The following MYPN variants were observed in gnomAD, a reference collection of about 807,000 sequenced individuals.
MYPN encodes myopalladin.
Under a neutral mutation model 129.4 loss-of-function variants are expected in MYPN, and 63 were observed. The observed-to-expected ratio is 0.49, with a 90% CI of 0.40 to 0.60. The LOEUF (loss-of-function observed/expected upper bound fraction) is 0.60. MYPN is among the 20% of genes least tolerant of loss of function. The pLI, the probability that MYPN is intolerant of heterozygous loss-of-function variation, is 0.00. For missense variants in MYPN, 1,596 were observed against 1,635.4 expected (o/e 0.98, Z 0.42); for synonymous variants, 629 against 600.9 (o/e 1.05, Z -0.68).
chr10:68,167,502 T>C (rs1488929127), intron 10 of MYPN, among the ~76,000 whole-genome samples: 1 of 152,232 alleles, frequency 6.6e-6, no homozygotes, highest in East Asian at 1.9e-4. Context: ...TGTTGCAATG[T>C]TTAAAATGTC....
intron 17 of MYPN, among the ~76,000 whole-genome samples, chr10:68,200,334 T>C (rs4746739): frequency 0.58 from 88,145 of 152,074 alleles, 27,544 homozygotes; most frequent in Non-Finnish European, 0.69. Context: ...ATGATGTGAA[T>C]GAAACACTGT....
rs1589614570 is a variant in MYPN, at chr10:68,201,981, A to G, written c.3646A>G (p.Arg1216Gly). 5 of 1,614,082 alleles carry G rather than the reference A, an allele frequency of 3.1e-6. No individual in the cohort carries two copies. The highest frequency in any genetic ancestry group is 4.2e-6 in the Non-Finnish European group (5 of 1,179,988). ...AGACAATGAGACCATCCCTTGCACC[A>G]GAGAGAGGATCAGGTACAGCAGCCA... The part of the protein sequence containing the change: ...KKDNETIPCT[R>G]ERISMHQDTT... The change falls in exon 18 of 20, where the codon AGA (arginine) becomes GGA (glycine). Residue 1216 changes from arginine (R) to glycine (G), a missense_variant. Transcript: ENST00000358913.
rs193048115 is a variant in MYPN, at chr10:68,090,445, G to A, written c.-2+2453G>A. Among the ~76,000 whole-genome samples the A allele has an allele frequency of 4.2e-3, 636 of 152,232 alleles. 7 individuals carry two copies. The highest frequency in any genetic ancestry group is 0.015 in the African/African-American group (605 of 41,508). On this transcript the variant is annotated intron_variant, in intron 1 of 6. Transcript: ENST00000685154. ...CTCCCAAAGTGCTAGGATTACAGGC[G>A]TGAGCCACCGCGCCAGGCCTCAATG...
At position 68,177,819 on chromosome 10, in the gene MYPN, C is replaced by T. The variant is rs184938695; in HGVS notation, c.2703+2358C>T. 8.9e-3 allele frequency among the ~76,000 whole-genome samples: 1,360 copies of T among 152,290 alleles called. 13 individuals carry two copies. The highest frequency in any genetic ancestry group is 0.034 in the Middle Eastern group (10 of 294). ...GGGAATGGGGTGCAAATGATTCCTT[C>T]GGAAGAGTATGCATTTGTTTTGCTT... is the stretch of plus-strand genomic sequence containing the variant. On this transcript the variant is annotated intron_variant, in intron 12 of 19. Coordinates refer to ENST00000358913, the MANE Select transcript of MYPN (RefSeq NM_032578.4).
upstream of MYPN, among the ~76,000 whole-genome samples, chr10:68,107,356 T>C (rs2042024263): frequency 6.7e-6 from 1 of 149,904 alleles, no homozygotes; most frequent in African/African-American, 2.4e-5. Context: ...TTTTTTTTTT[T>C]TTTTGAGACA....
chr10:68,191,267 G>C (rs2043508114), intron 13 of MYPN, among the ~76,000 whole-genome samples: 2 of 151,148 alleles, frequency 1.3e-5, no homozygotes, highest in African/African-American at 4.9e-5. Context: ...GCCCAGGCTG[G>C]AGTGCAGTGG....
intron 1 of MYPN, among the ~76,000 whole-genome samples, chr10:68,096,310 A>T (rs984342356): frequency 2.4e-4 from 36 of 152,184 alleles, no homozygotes; most frequent in Non-Finnish European, 4.4e-5. Context: ...GTATTAAAGC[A>T]GATCTGACTT....
At chr10:68,208,678 C>T (rs1197266629) in intron 19 of MYPN, among the ~76,000 whole-genome samples, 2 of 152,150 alleles carry the variant, frequency 1.3e-5, no homozygotes, top group Non-Finnish European at 2.9e-5. Flanking sequence ...CTCTCCCTTT[C>T]GTTCCTGTCC....
chr10:68,144,699 A>T (rs2042633349), intron 3 of MYPN, among the ~76,000 whole-genome samples: 2 of 152,180 alleles, frequency 1.3e-5, no homozygotes, highest in South Asian at 4.1e-4. Flanking sequence ...ACAATGAAGT[A>T]TGACTTGTTA....
Position 68,188,895 on chromosome 10 carries a change from A to G in MYPN, c.2704-10A>G, listed in dbSNP as rs918576170. 6.2e-7 allele frequency: 1 copy of G among 1,612,366 alleles called. No individual in the cohort carries two copies. Among genetic ancestry groups the G allele is most frequent in the Admixed American group, 1.7e-5 (1 of 59,870 alleles). ...ATATGGAAATTGAAACACGTTTGTC[A>G]TTTTGACAGGAGTACAAAATTTCAA... On this transcript the variant is annotated splice_polypyrimidine_tract_variant and intron_variant, in intron 12 of 19. Coordinates refer to ENST00000358913, the MANE Select transcript of MYPN (RefSeq NM_032578.4).
At chr10:68,132,626 C>G (rs10762189) in intron 2 of MYPN, among the ~76,000 whole-genome samples, 76,729 of 151,904 alleles carry the variant, frequency 0.51, 20,661 homozygotes, top group East Asian at 0.69. Context: ...ATACTGCAAA[C>G]GAATGCCAAG....
chr10:68,091,993 G>T (rs778478911), intron 1 of MYPN, among the ~76,000 whole-genome samples: 22 of 151,982 alleles, frequency 1.4e-4, no homozygotes, highest in Non-Finnish European at 2.5e-4. Context: ...AAGGTGAATG[G>T]ATTACTTGAG....
At chr10:68,165,495 T>A (rs1430459108) in intron 8 of MYPN, 1 of 657,016 alleles carries the variant, frequency 1.5e-6, no homozygotes, top group Non-Finnish European at 2.8e-6. Context: ...CCTGTCTGCA[T>A]GGAGTTATTG....
chr10:68,092,022 C>A (rs1039756225), intron 1 of MYPN, among the ~76,000 whole-genome samples: 1 of 152,014 alleles, frequency 6.6e-6, no homozygotes, highest in Non-Finnish European at 1.5e-5. Context: ...TTCGAGGGTG[C>A]AGTGAGCTAT....
chr10:68,094,551 T>C (rs545215824), intron 1 of MYPN, among the ~76,000 whole-genome samples: 43 of 152,198 alleles, frequency 2.8e-4, no homozygotes, highest in African/African-American at 7.9e-4. Context: ...CGTGAGCCAC[T>C]GCCTCTAGCC....
At chr10:68,094,024 C>A (rs527648189) in intron 1 of MYPN, among the ~76,000 whole-genome samples, 3 of 151,886 alleles carry the variant, frequency 2.0e-5, no homozygotes, top group Non-Finnish European at 4.4e-5. Context: ...TTTTAGCATG[C>A]GAATATACTA....
chr10:68,174,275 C>T lies in MYPN; in HGVS notation c.2183C>T (p.Pro728Leu), dbSNP rs570682390. The change falls in exon 11 of 20, where the codon CCC (proline) becomes CTC (leucine). Residue 728 changes from proline (P) to leucine (L), a missense_variant. Physicochemically the swap from Pro to Leu is moderately conservative, Grantham distance 98. Coordinates refer to ENST00000358913, the MANE Select transcript of MYPN (RefSeq NM_032578.4). ...TTGGCCCGGCCGAAGTATTTCTTCC[C>T]CTCCACGAACACCACCGCAGCAACT... ...FSLARPKYFF[P>L]STNTTAATVA... The T allele has an allele frequency of 8.8e-5, 142 of 1,614,120 alleles. 1 individual carries two copies. In the South Asian group the frequency reaches 1.1e-3, roughly 12 times the overall value.
At position 68,145,409 on chromosome 10, in the gene MYPN, G is replaced by A. The variant is rs530008263; in HGVS notation, c.1079-66G>A. 5.4e-5 allele frequency: 67 copies of A among 1,249,882 alleles called. No individual in the cohort carries two copies. The Admixed American group carries it at 6.7e-4, about 12-fold the overall frequency. 77.4% of individuals were successfully genotyped at this position (1,249,882 alleles called of 1,614,324 possible). ...AGTATCATCTTAAAAATCTTATGTC[G>A]TGTTTAGGAACCAATTTAAGAAATT... On this transcript the variant is annotated intron_variant, in intron 3 of 19. Coordinates refer to ENST00000358913, the MANE Select transcript of MYPN (RefSeq NM_032578.4).
chr10:68,174,025 A>G (rs189715109), intron 10 of MYPN, 41 bp from the exon 11 acceptor site: 3 of 1,464,492 alleles, frequency 2.0e-6, no homozygotes, highest in Non-Finnish European at 9.6e-7. Flanking sequence ...GCCAATAATA[A>G]CACATTTCCT....
Sources: allele counts gnomAD v4.1 joint callset (sites outside exome capture counted in the v4.1 genomes callset), GRCh38; gene constraint gnomAD v4.1.1; transcripts MANE v1.5; gene names NCBI Gene and HGNC (gene_info 2026-07-23, HGNC 2026-07-21).